The following CSRNP3 variants were observed in gnomAD, a reference collection of about 807,000 sequenced individuals.
CSRNP3 encodes the protein cysteine/serine-rich nuclear protein 3.
Under a neutral mutation model 48.0 loss-of-function variants are expected in CSRNP3, and 12 were observed. That is an observed-to-expected ratio of 0.25 (90% CI 0.16 to 0.41). CSRNP3 has a LOEUF of 0.41. Ranked by LOEUF, CSRNP3 falls within the 10% of genes least tolerant of loss-of-function variation. The probability of loss-of-function intolerance (pLI) is 1.00; values close to 1 mark genes in which losing one functional copy is unlikely to be tolerated. For synonymous variants in CSRNP3, 263 were observed against 269.7 expected (o/e 0.98, Z 0.24); for missense variants, 580 against 724.4 (o/e 0.80, Z 2.29).
chr2:165,539,127 G>T (rs1185295144), intron 3 of CSRNP3, among the ~76,000 whole-genome samples: 1 of 151,886 alleles, frequency 6.6e-6, no homozygotes, highest in East Asian at 1.9e-4. Flanking sequence ...CATTCAACCT[G>T]ATGGTATATT....
intron 2 of CSRNP3, among the ~76,000 whole-genome samples, chr2:165,510,200 C>G (rs1684482933): frequency 6.6e-6 from 1 of 152,054 alleles, no homozygotes; most frequent in Non-Finnish European, 1.5e-5. Flanking sequence ...TTTGAAATAA[C>G]TAACCCAACC....
chr2:165,497,271 CT>C (rs1684297066), intron 2 of CSRNP3, among the ~76,000 whole-genome samples: 1 of 151,980 alleles, frequency 6.6e-6, no homozygotes, highest in African/African-American at 2.4e-5. Context: ...TTTTTCCCCC[CT>C]GTAGTGCTGT....
rs559584919 is a variant in CSRNP3, at chr2:165,583,977, C to T, written c.-23-11066C>T. Among the ~76,000 whole-genome samples, 8 of 151,940 alleles carry T rather than the reference C, an allele frequency of 5.3e-5. No homozygotes were observed. The South Asian group carries it at 1.3e-3, about 24-fold the overall frequency. ...CTACTCATAGACAGGGTAGGGCTTCCGAAAGTAAGAGGAGGAACGCGTCCA... is the reference window on the plus strand; with the variant it reads ...CTACTCATAGACAGGGTAGGGCTTCTGAAAGTAAGAGGAGGAACGCGTCCA... On this transcript the variant is annotated intron_variant, in intron 3 of 6. Coordinates refer to ENST00000651982, the MANE Select transcript of CSRNP3 (RefSeq NM_001172173.2).
rs534547160 is a variant in CSRNP3 at position 165,666,911 on chromosome 2, G to A, written c.408+8891G>A. ...GGAAAGAGAGAGAAAAAGGAAGGGCGGAAGGAAGGGAGGAAAGAGAGAAGA... is the reference window on the plus strand; with the variant it reads ...GGAAAGAGAGAGAAAAAGGAAGGGCAGAAGGAAGGGAGGAAAGAGAGAAGA... On this transcript the variant is annotated intron_variant, in intron 5 of 6. Transcript: ENST00000651982. 1.2e-3 allele frequency among the ~76,000 whole-genome samples: 156 copies of A among 126,400 alleles called. 14 individuals are homozygous for A. The highest frequency in any genetic ancestry group is 1.9e-3 in the Non-Finnish European group (118 of 60,874). The allele number at this position is 126,400 out of a possible 152,430, so 82.9% of individuals were successfully genotyped here.
At position 165,646,307 on chromosome 2, in the gene CSRNP3, T is replaced by C. The variant is rs543585103; in HGVS notation, c.149-11454T>C. On this transcript the variant is annotated intron_variant, in intron 4 of 6. Transcript: ENST00000651982. ...TTTCTAAGAGATTTTAGAATTTTTTTGTTGCTCTTGTTGCTGTTGAGGATT... is the reference window on the plus strand; with the variant it reads ...TTTCTAAGAGATTTTAGAATTTTTTCGTTGCTCTTGTTGCTGTTGAGGATT... Among the ~76,000 whole-genome samples the C allele has an allele frequency of 1.9e-4, 29 of 152,320 alleles. No individual in the cohort carries two copies. The South Asian group carries it at 5.0e-3, about 26-fold the overall frequency.
chr2:165,629,261 G>C (rs1403242038), intron 4 of CSRNP3, among the ~76,000 whole-genome samples: 2 of 152,170 alleles, frequency 1.3e-5, no homozygotes, highest in African/African-American at 4.8e-5. Context: ...TTGTTCTCCT[G>C]ACATCACTCC....
intron 3 of CSRNP3, among the ~76,000 whole-genome samples, chr2:165,546,848 T>G (rs1483175430): frequency 6.6e-6 from 1 of 152,236 alleles, no homozygotes; most frequent in Non-Finnish European, 1.5e-5. Flanking sequence ...GTGAATTACT[T>G]ATACTTTTTT....
chr2:165,600,229 C>T (rs1329969242), intron 4 of CSRNP3, among the ~76,000 whole-genome samples: 2 of 144,862 alleles, frequency 1.4e-5, no homozygotes, highest in African/African-American at 5.2e-5. Flanking sequence ...TGATGATTTC[C>T]AATTTCATCC....
chr2:165,620,383 T>C (rs1274547661), intron 4 of CSRNP3, among the ~76,000 whole-genome samples: 1 of 152,168 alleles, frequency 6.6e-6, no homozygotes, highest in Non-Finnish European at 1.5e-5. Flanking sequence ...TAATTACAGG[T>C]CCAAAGTGGC....
chr2:165,562,183 G>T lies in CSRNP3; in HGVS notation c.-23-32860G>T, dbSNP rs12612499. 1.5e-3 allele frequency among the ~76,000 whole-genome samples: 230 copies of T among 152,248 alleles called. 8 individuals are homozygous for T. In the East Asian group the frequency reaches 0.04, roughly 27 times the overall value. On this transcript the variant is annotated intron_variant, in intron 3 of 6. Coordinates refer to ENST00000651982, the MANE Select transcript of CSRNP3 (RefSeq NM_001172173.2). ...AGAAATCTACCTGTGACTCCAAAGA[G>T]ACTATGTTAGATAACTGTGTGCAAA...
At chr2:165,568,905 G>A (rs1685333121) in intron 3 of CSRNP3, among the ~76,000 whole-genome samples, 1 of 151,808 alleles carries the variant, frequency 6.6e-6, no homozygotes. Flanking sequence ...TAATTTTTCT[G>A]ATTTTAGCAG....
rs1388999529 is a variant in CSRNP3 at position 165,642,559 on chromosome 2, ATTCT to A, written c.149-15199_149-15196del. Among the ~76,000 whole-genome samples the A allele has an allele frequency of 4.3e-3, 632 of 148,614 alleles. 1 individual carries two copies. Among genetic ancestry groups the A allele is most frequent in the African/African-American group, 0.015 (602 of 39,622 alleles). On this transcript the variant is annotated intron_variant, in intron 4 of 6. Transcript: ENST00000651982. ...GGGAAATCTAAAAATGATTATGCAT[ATTCT>A]TTTTTTTTTTTTTTTGAGATTTAGT... is the stretch of plus-strand genomic sequence containing the variant.
chr2:165,659,730 G>A (rs187765101), intron 5 of CSRNP3, among the ~76,000 whole-genome samples: 4 of 152,188 alleles, frequency 2.6e-5, no homozygotes, highest in East Asian at 1.9e-4. Context: ...GTAATCCAGC[G>A]TACTTAACAT....
chr2:165,595,369 C>T (rs1685792874), intron 4 of CSRNP3, among the ~76,000 whole-genome samples, 156 bp downstream of exon 4: 1 of 152,094 alleles, frequency 6.6e-6, no homozygotes, highest in African/African-American at 2.4e-5. Flanking sequence ...TTTCGGGTGA[C>T]TCAGTAGATT....
chr2:165,525,853 T>C (rs1166840067), intron 3 of CSRNP3, among the ~76,000 whole-genome samples: 1 of 152,180 alleles, frequency 6.6e-6, no homozygotes, highest in Non-Finnish European at 1.5e-5. Flanking sequence ...TGTTTTCTTC[T>C]AAATGTATTA....
rs1687477656 is a variant in CSRNP3, at chr2:165,679,028, G to C, written c.1033G>C (p.Glu345Gln). The stretch of plus-strand genomic sequence containing the variant: ...AGATTGCCAAGGAGAGGAGGAGGAA[G>C]AAGAGGAGGATGGGAGCAGCTTTTG... The part of the protein sequence containing the change: ...ELDCQGEEEE[E>Q]EEDGSSFCSG... The change falls in exon 7 of 7, where the codon GAA becomes CAA. Residue 345 changes from glutamate (E) to glutamine (Q), a missense_variant. Transcript: ENST00000651982. The C allele has an allele frequency of 6.2e-7, 1 of 1,614,022 alleles. No individual in the cohort carries two copies. Among genetic ancestry groups the C allele is most frequent in the Non-Finnish European group, 8.5e-7 (1 of 1,180,002 alleles).
At chr2:165,533,292 A>G (rs1684838999) in intron 3 of CSRNP3, among the ~76,000 whole-genome samples, 1 of 152,098 alleles carries the variant, frequency 6.6e-6, no homozygotes, top group Admixed American at 6.6e-5. Flanking sequence ...AACAGTTGTA[A>G]ATACAAAAGT....
At chr2:165,537,265 T>C (rs559153518) in intron 3 of CSRNP3, among the ~76,000 whole-genome samples, 14 of 151,288 alleles carry the variant, frequency 9.3e-5, no homozygotes, top group Non-Finnish European at 1.8e-4. Context: ...TGAAAGAAGC[T>C]ACTCACTGAA....
intron 3 of CSRNP3, among the ~76,000 whole-genome samples, chr2:165,579,313 G>A (rs745676605): frequency 5.9e-5 from 9 of 152,174 alleles, no homozygotes; most frequent in Non-Finnish European, 1.3e-4. Context: ...AACCATATGT[G>A]GCTAAATAGA....
Sources: allele counts gnomAD v4.1 joint callset (sites outside exome capture counted in the v4.1 genomes callset), GRCh38; gene constraint gnomAD v4.1.1; transcripts MANE v1.5; gene names NCBI Gene and HGNC (gene_info 2026-07-23, HGNC 2026-07-21).